Variants in VWA8 observed in about 807,000 individuals in gnomAD.
VWA8 encodes von Willebrand factor A domain-containing protein 8.
Under a neutral mutation model 241.5 loss-of-function variants are expected in VWA8, and 221 were observed. That is an observed-to-expected ratio of 0.91 (90% CI 0.82 to 1.02). VWA8 has a LOEUF of 1.02. Among genes scored for constraint, VWA8 ranks in the 50% least tolerant of loss-of-function variants. The pLI is 0.00. For missense variants in VWA8, 2,322 were observed against 2,328.7 expected (o/e 1.00, Z 0.06); for synonymous variants, 852 against 827.1 (o/e 1.03, Z -0.52).
At chr13:41,797,918 A>G (rs1943779697) in intron 17 of VWA8, among the ~76,000 whole-genome samples, 1 of 152,124 alleles carries the variant, frequency 6.6e-6, no homozygotes, top group Admixed American at 6.5e-5. Context: ...CACTTCTAAC[A>G]TTATTTCATG....
chr13:41,905,000 A>G (rs1287471480), intron 4 of VWA8: 5 of 152,126 alleles, frequency 3.3e-5, no homozygotes, highest in African/African-American at 1.2e-4. Context: ...ATAAAAATAT[A>G]TTTTTATAAT....
intron 37 of VWA8, among the ~76,000 whole-genome samples, chr13:41,638,340 T>C (rs1030393694): frequency 1.3e-5 from 2 of 152,206 alleles, no homozygotes; most frequent in Non-Finnish European, 2.9e-5. Context: ...CTACCATATC[T>C]ATGACTGTTT....
At chr13:41,767,570 A>G (rs1435053724) in intron 20 of VWA8, among the ~76,000 whole-genome samples, 2 of 152,228 alleles carry the variant, frequency 1.3e-5, no homozygotes, top group African/African-American at 4.8e-5. Flanking sequence ...AAAAAAAATT[A>G]TTAAAACTGA....
At position 41,949,965 on chromosome 13, in the gene VWA8, T is replaced by C. The variant is rs747657117; in HGVS notation, c.212A>G (p.Lys71Arg). The change falls in exon 2 of 45, where the codon AAG (lysine) becomes AGG (arginine). Residue 71 changes from lysine (K) to arginine (R), a missense_variant. Lys to Arg is a conservative substitution (Grantham distance 26). Transcript: ENST00000379310. Reference protein sequence around the residue: ...GDVSYKLKIPKNPELVPQNYI... With the variant: ...GDVSYKLKIPRNPELVPQNYI... ...GTTCTGTGGCACAAGTTCTGGATTC[T>C]TAGGAATTTTCAACTTGTAGGATAC... is the stretch of plus-strand genomic sequence containing the variant. The C allele has an allele frequency of 3.8e-6, 6 of 1,595,014 alleles. No homozygotes were observed. The South Asian group carries it at 5.7e-5, about 15-fold the overall frequency.
chr13:41,871,928 T>C (rs1873645368), intron 9 of VWA8, among the ~76,000 whole-genome samples: 1 of 152,216 alleles, frequency 6.6e-6, no homozygotes, highest in Non-Finnish European at 1.5e-5. Flanking sequence ...ACCAACAGTG[T>C]AGAAGTGTTC....
Position 41,605,209 on chromosome 13 carries a change from G to A in VWA8, c.4945C>T (p.Arg1649Ter), listed in dbSNP as rs183412730. 35 of 1,613,134 alleles carry A rather than the reference G, an allele frequency of 2.2e-5. No individual in the cohort carries two copies. The Admixed American group carries it at 3.2e-4, about 15-fold the overall frequency. ...TYERFSGAVRRQVHSLRIILD... is the reference protein window; with the variant it reads ...TYERFSGAVR ...ATGATTCGGAGGGAGTGCACCTGTC[G>A]CCGAACAGCACCTGAAAACCTTTCA... Residue 1649 changes from arginine (R) to a stop codon, truncating the protein, a stop_gained, in exon 40 of 45, where the codon CGA becomes TGA. Coordinates refer to ENST00000379310, the MANE Select transcript of VWA8 (RefSeq NM_015058.2). LOFTEE classifies it high-confidence loss of function.
intron 2 of VWA8, among the ~76,000 whole-genome samples, chr13:41,929,055 T>A (rs1285025602): frequency 1.3e-5 from 2 of 150,954 alleles, no homozygotes; most frequent in Non-Finnish European, 3.0e-5. Context: ...GAAAAAACAA[T>A]CCTAAAATAT....
At chr13:41,919,997 C>G (rs1876436562) in intron 2 of VWA8, among the ~76,000 whole-genome samples, 1 of 152,134 alleles carries the variant, frequency 6.6e-6, no homozygotes, top group African/African-American at 2.4e-5. Flanking sequence ...AACTCAGAAT[C>G]TGAGCTGCTG....
chr13:41,725,787 C>G (rs2045428314), intron 24 of VWA8, among the ~76,000 whole-genome samples: 1 of 152,118 alleles, frequency 6.6e-6, no homozygotes, highest in Non-Finnish European at 1.5e-5. Context: ...AAAAAGAACT[C>G]AAACCTCTTT....
At chr13:41,762,401 G>A (rs1408372761) in intron 20 of VWA8, among the ~76,000 whole-genome samples, 2 of 152,098 alleles carry the variant, frequency 1.3e-5, no homozygotes, top group Admixed American at 6.5e-5. Context: ...TCACATACAG[G>A]TAATTCTAGT....
At chr13:41,772,970 C>T (rs1399189970) in intron 20 of VWA8, among the ~76,000 whole-genome samples, 1 of 152,202 alleles carries the variant, frequency 6.6e-6, no homozygotes, top group African/African-American at 2.4e-5. Flanking sequence ...TCTTGTAAAA[C>T]ATCTCTAGAT....
intron 37 of VWA8, among the ~76,000 whole-genome samples, chr13:41,645,015 A>G (rs572624855): frequency 3.9e-4 from 60 of 152,354 alleles, no homozygotes; most frequent in Admixed American, 2.0e-4. Context: ...TCCTCTAAAC[A>G]TGGTTAAAAG....
chr13:41,671,066 G>A lies in VWA8; in HGVS notation c.4491C>T (p.Ser1497=), dbSNP rs771260024. The A allele has an allele frequency of 1.1e-5, 18 of 1,613,906 alleles. No individual in the cohort carries two copies. The highest frequency in any genetic ancestry group is 8.3e-5 in the Admixed American group (5 of 59,978). Residue 1497 remains serine (S), a synonymous_variant, in exon 37 of 45, where the codon AGC becomes AGT. Coordinates refer to ENST00000379310, the MANE Select transcript of VWA8 (RefSeq NM_015058.2). The part of the protein sequence containing the change: ...TDALLAEWDK[S]GVVTVDMGGH... ...CTCCCATATCAACAGTAACAACACC[G>A]CTTTTGTCCCACTCAGCCAGCAGTG...
At chr13:41,791,800 G>C (rs183198537) in intron 17 of VWA8, among the ~76,000 whole-genome samples, 92 of 151,924 alleles carry the variant, frequency 6.1e-4, no homozygotes, top group African/African-American at 2.1e-3. Flanking sequence ...CTGATGGACA[G>C]ATGGGCTGTT....
chr13:41,931,106 G>A (rs9566880), intron 2 of VWA8, among the ~76,000 whole-genome samples: 14,201 of 148,188 alleles, frequency 0.096, 872 homozygotes, highest in African/African-American at 0.18. Context: ...CCGAGATTGC[G>A]CCACTGCACT....
intron 39 of VWA8, among the ~76,000 whole-genome samples, chr13:41,610,630 G>C (rs1027994457): frequency 7.2e-5 from 11 of 152,206 alleles, no homozygotes; most frequent in Admixed American, 7.2e-4. Context: ...GATGTTCTAC[G>C]TGGGAGGAAT....
At chr13:41,932,815 G>A (rs1203708249) in intron 2 of VWA8, among the ~76,000 whole-genome samples, 3 of 146,078 alleles carry the variant, frequency 2.1e-5, no homozygotes, top group Non-Finnish European at 3.0e-5. Context: ...AGAAAAAAAC[G>A]TCCTTAACTT....
chr13:41,783,378 G>A (rs992986970), intron 19 of VWA8, among the ~76,000 whole-genome samples: 3 of 151,718 alleles, frequency 2.0e-5, no homozygotes, highest in African/African-American at 7.3e-5. Context: ...GGTGGCTCAC[G>A]CCTGTAATAC....
At chr13:41,828,461 C>A (rs1265501033) in intron 14 of VWA8, among the ~76,000 whole-genome samples, 1 of 152,144 alleles carries the variant, frequency 6.6e-6, no homozygotes, top group African/African-American at 2.4e-5. Flanking sequence ...TGTCAAACTT[C>A]ATTCTATATA....
Sources: allele counts gnomAD v4.1 joint callset (sites outside exome capture counted in the v4.1 genomes callset), GRCh38; gene constraint gnomAD v4.1.1; transcripts MANE v1.5; gene names NCBI Gene and HGNC (gene_info 2026-07-23, HGNC 2026-07-21).